The following ABCA12 variants were observed in gnomAD, a reference collection of about 807,000 sequenced individuals.
The protein encoded by ABCA12 is glucosylceramide transporter ABCA12.
A neutral mutation model predicts 293.5 loss-of-function variants in ABCA12; 156 were observed. That is an observed-to-expected ratio of 0.53 (90% CI 0.47 to 0.61). The LOEUF (loss-of-function observed/expected upper bound fraction) is 0.61. Ranked by LOEUF, ABCA12 falls within the 20% of genes least tolerant of loss-of-function variation. The pLI, the probability that ABCA12 is intolerant of heterozygous loss-of-function variation, is 0.00. For missense variants in ABCA12, 2,797 were observed against 3,090.2 expected (o/e 0.91, Z 2.25); for synonymous variants, 1,063 against 1,108.0 (o/e 0.96, Z 0.81).
At chr2:215,024,932 T>C (rs188916303) in intron 11 of ABCA12, among the ~76,000 whole-genome samples, 12 of 152,318 alleles carry the variant, frequency 7.9e-5, no homozygotes, top group Admixed American at 2.6e-4. Flanking sequence ...TACAGTTATA[T>C]ATTTTTTGGT....
intron 2 of ABCA12, among the ~76,000 whole-genome samples, chr2:215,090,593 G>A (rs997259098): frequency 5.9e-5 from 9 of 151,978 alleles, no homozygotes; most frequent in South Asian, 2.1e-4. Context: ...CTCCAGCGCC[G>A]GTCACAGACT....
chr2:215,083,836 A>T (rs1380312484), intron 2 of ABCA12, among the ~76,000 whole-genome samples: 2 of 152,142 alleles, frequency 1.3e-5, no homozygotes, highest in Non-Finnish European at 2.9e-5. Context: ...ACTCATGTGC[A>T]TATTTTCCCC....
chr2:214,985,609 A>C (rs1699767896), intron 28 of ABCA12, among the ~76,000 whole-genome samples: 1 of 152,174 alleles, frequency 6.6e-6, no homozygotes, highest in South Asian at 2.1e-4. Context: ...TGGAAAGCCA[A>C]CTCTGACTTT....
At chr2:215,078,928 A>G (rs1328228148) in intron 2 of ABCA12, among the ~76,000 whole-genome samples, 1 of 152,194 alleles carries the variant, frequency 6.6e-6, no homozygotes, top group Non-Finnish European at 1.5e-5. Flanking sequence ...AATCCTACCC[A>G]CGGGTCCAAA....
chr2:215,132,345 C>T (rs1703077891), intron 1 of ABCA12, among the ~76,000 whole-genome samples: 1 of 151,960 alleles, frequency 6.6e-6, no homozygotes, highest in South Asian at 2.1e-4. Flanking sequence ...TGTTGAAGTC[C>T]ACCACTATTA....
intron 24 of ABCA12, among the ~76,000 whole-genome samples, chr2:214,990,206 C>T (rs1699882042): frequency 6.6e-6 from 1 of 152,124 alleles, no homozygotes; most frequent in South Asian, 2.1e-4. Flanking sequence ...AGTCAGTAAT[C>T]TTAATGCTTT....
At chr2:215,087,018 C>T (rs62202642) in intron 2 of ABCA12, among the ~76,000 whole-genome samples, 24,028 of 151,852 alleles carry the variant, frequency 0.16, 2,393 homozygotes, top group South Asian at 0.28. Flanking sequence ...TCTTGGCTCA[C>T]CACAACCCCC....
chr2:214,942,827 T>C, intron 50 of ABCA12, 98 bp downstream of exon 50: 1 of 1,034,362 alleles, frequency 9.7e-7, no homozygotes, highest in Non-Finnish European at 1.5e-6. Flanking sequence ...CCATTCTAGT[T>C]TTACTACTTA....
intron 47 of ABCA12, 32 bp from the exon 48 acceptor site, chr2:214,947,588 C>T: frequency 6.8e-6 from 11 of 1,612,596 alleles, no homozygotes; most frequent in Non-Finnish European, 8.5e-6. Flanking sequence ...TTAGGTTGAC[C>T]TTCCTGTGCC....
At chr2:215,082,426 T>G (rs980594904) in intron 2 of ABCA12, among the ~76,000 whole-genome samples, 7 of 152,074 alleles carry the variant, frequency 4.6e-5, no homozygotes, top group Non-Finnish European at 4.4e-5. Flanking sequence ...CCTCAGCTGG[T>G]ACTAACTTTC....
At chr2:215,014,374 G>A (rs1476710834) in intron 15 of ABCA12, among the ~76,000 whole-genome samples, 2 of 151,906 alleles carry the variant, frequency 1.3e-5, no homozygotes, top group Non-Finnish European at 2.9e-5. Flanking sequence ...AAATAGCCTT[G>A]CAAATCATGT....
intron 1 of ABCA12, among the ~76,000 whole-genome samples, chr2:215,121,661 A>C (rs1702807558): frequency 6.6e-6 from 1 of 152,152 alleles, no homozygotes; most frequent in South Asian, 2.1e-4. Context: ...CCCAAATCTC[A>C]TGTTGAATTG....
intron 23 of ABCA12, among the ~76,000 whole-genome samples, chr2:214,995,599 A>G (rs1316859811): frequency 6.6e-6 from 1 of 152,178 alleles, no homozygotes; most frequent in African/African-American, 2.4e-5. Context: ...CATCTTTAAA[A>G]AGGAGGAGTT....
chr2:215,070,443 A>G (rs182652753), intron 2 of ABCA12, among the ~76,000 whole-genome samples: 46 of 151,846 alleles, frequency 3.0e-4, no homozygotes, highest in Admixed American at 8.5e-4. Flanking sequence ...AGTTAGTTAC[A>G]TATGTATACA....
At chr2:215,003,005 C>T (rs2105991316) in intron 20 of ABCA12, among the ~76,000 whole-genome samples, 1 of 152,266 alleles carries the variant, frequency 6.6e-6, no homozygotes, top group Non-Finnish European at 1.5e-5. Flanking sequence ...CCAAATGATA[C>T]TTTTAGAGAG....
intron 2 of ABCA12, among the ~76,000 whole-genome samples, chr2:215,078,300 T>C (rs545021615): frequency 2.9e-4 from 44 of 152,340 alleles, no homozygotes; most frequent in Middle Eastern, 3.4e-3. Context: ...ACAGCTTTCA[T>C]TGGCAAACTC....
chr2:215,055,388 T>A (rs1029824333), intron 3 of ABCA12, among the ~76,000 whole-genome samples: 1 of 152,066 alleles, frequency 6.6e-6, no homozygotes, highest in Non-Finnish European at 1.5e-5. Context: ...ATTCGCTTTT[T>A]GTTTAGTTTG....
At chr2:215,137,257 CATAG>C (rs1376101409) in intron 1 of ABCA12, among the ~76,000 whole-genome samples, 1 of 152,082 alleles carries the variant, frequency 6.6e-6, no homozygotes, top group Non-Finnish European at 1.5e-5. Context: ...AGATAAGGTG[CATAG>C]ATAAAGTGCT....
intron 1 of ABCA12, among the ~76,000 whole-genome samples, chr2:215,118,432 A>G (rs1056573828): frequency 3.4e-4 from 51 of 152,230 alleles, no homozygotes; most frequent in African/African-American, 1.1e-3. Flanking sequence ...AAAAAGAATG[A>G]TATGATACTG....
Sources: allele counts gnomAD v4.1 joint callset (sites outside exome capture counted in the v4.1 genomes callset), GRCh38; gene constraint gnomAD v4.1.1; transcripts MANE v1.5; gene names NCBI Gene and HGNC (gene_info 2026-07-23, HGNC 2026-07-21).